Variants in DCC observed in about 807,000 individuals in gnomAD.
The protein encoded by DCC is netrin receptor DCC.
A neutral mutation model predicts 172.5 loss-of-function variants in DCC; 58 were observed. That is an observed-to-expected ratio of 0.34 (90% CI 0.27 to 0.42). The LOEUF is 0.42. Among genes scored for constraint, DCC ranks in the 10% least tolerant of loss-of-function variants. DCC has a pLI of 1.00. For synonymous variants in DCC, 709 were observed against 644.5 expected, an observed-to-expected ratio of 1.10 and a Z score of -1.52; for missense variants, 1,740 against 1,791.0, an observed-to-expected ratio of 0.97 and a Z score of 0.51.
At chr18:52,763,409 G>A (rs1366693590) in intron 2 of DCC, among the ~76,000 whole-genome samples, 1 of 152,150 alleles carries the variant, frequency 6.6e-6, no homozygotes, top group Non-Finnish European at 1.5e-5. Context: ...TGATGCAGAA[G>A]GCACAGGTTC....
At chr18:53,196,777 G>C (rs911840555) in intron 9 of DCC, among the ~76,000 whole-genome samples, 2 of 152,066 alleles carry the variant, frequency 1.3e-5, no homozygotes, top group Non-Finnish European at 2.9e-5. Context: ...TGTGTTAGCA[G>C]ATAGAAAATA....
In DCC at chr18:53,343,921, G is replaced by A. The variant is rs117646068; in HGVS notation, c.2359+4014G>A. Reference sequence around the variant, plus strand: ...ATCCATCCATTTCATTTTGTCTCTTGTTGGCACAGTTATTCATAATGTTTT... The same window carrying A: ...ATCCATCCATTTCATTTTGTCTCTTATTGGCACAGTTATTCATAATGTTTT... On this transcript the variant is annotated intron_variant, in intron 15 of 28. Coordinates refer to ENST00000442544, the MANE Select transcript of DCC (RefSeq NM_005215.4). 3.3e-5 allele frequency among the ~76,000 whole-genome samples: 5 copies of A among 151,892 alleles called. No homozygotes were observed. The East Asian group carries it at 9.7e-4, about 29-fold the overall frequency.
intron 9 of DCC, among the ~76,000 whole-genome samples, chr18:53,180,903 G>A (rs1032756866): frequency 4.2e-4 from 64 of 152,168 alleles, no homozygotes; most frequent in African/African-American, 1.5e-3. Context: ...AGGAGCCATC[G>A]CGCCCAGCCC....
At chr18:52,984,317 A>G (rs1007194487) in intron 5 of DCC, among the ~76,000 whole-genome samples, 3 of 152,220 alleles carry the variant, frequency 2.0e-5, no homozygotes, top group East Asian at 1.9e-4. Flanking sequence ...AAGTCCCTCC[A>G]AAGAGTGGGA....
chr18:52,925,325 T>A lies in DCC; in HGVS notation c.940T>A (p.Tyr314Asn). The change falls in exon 5 of 29, where the codon TAT (tyrosine) becomes AAT (asparagine). Residue 314 changes from tyrosine (Y) to asparagine (N), a missense_variant. Transcript: ENST00000442544. The stretch of plus-strand genomic sequence containing the variant: ...TGGAATGTATACCTGTGTTGTCACA[T>A]ATAAAAATGAGAATATTAGTGCCTC... ...DSGMYTCVVT[Y>N]KNENISASAE... 1 of 1,612,706 alleles carries A rather than the reference T, an allele frequency of 6.2e-7. No individual in the cohort carries two copies. The highest frequency in any genetic ancestry group is 1.3e-5 in the African/African-American group (1 of 74,974).
At chr18:53,040,597 C>T (rs893958227) in intron 5 of DCC, among the ~76,000 whole-genome samples, 7 of 151,882 alleles carry the variant, frequency 4.6e-5, no homozygotes, top group Non-Finnish European at 1.0e-4. Flanking sequence ...TTTTATGAAG[C>T]TTCTATAAGA....
At chr18:53,220,969 T>G (rs1422572467) in intron 12 of DCC, among the ~76,000 whole-genome samples, 2 of 152,084 alleles carry the variant, frequency 1.3e-5, no homozygotes, top group African/African-American at 4.8e-5. Flanking sequence ...AGACTGGATA[T>G]AAATGATTAT....
chr18:52,723,231 C>A (rs904179405), intron 1 of DCC, among the ~76,000 whole-genome samples: 10 of 152,210 alleles, frequency 6.6e-5, no homozygotes, highest in African/African-American at 2.4e-4. Context: ...TAGGCTGTGT[C>A]TTTATATTCA....
intron 15 of DCC, among the ~76,000 whole-genome samples, chr18:53,353,734 T>G (rs1168043341): frequency 6.6e-6 from 1 of 152,214 alleles, no homozygotes; most frequent in African/African-American, 2.4e-5. Context: ...TTTCATATAT[T>G]ACCTTGTTTC....
At chr18:53,105,791 ATC>A (rs1568307972) in intron 7 of DCC, among the ~76,000 whole-genome samples, 2 of 151,722 alleles carry the variant, frequency 1.3e-5, no homozygotes, top group Non-Finnish European at 2.9e-5. Context: ...TTATTTTCTT[ATC>A]AGTCTCTGAC....
chr18:53,511,399 G>T (rs1222139875), intron 27 of DCC, among the ~76,000 whole-genome samples: 1 of 152,246 alleles, frequency 6.6e-6, no homozygotes, highest in East Asian at 1.9e-4. Flanking sequence ...GTCAGGCCTT[G>T]CCTTGTTTGC....
chr18:52,953,100 G>C (rs10502957), intron 5 of DCC, among the ~76,000 whole-genome samples: 3,229 of 148,956 alleles, frequency 0.022, 61 homozygotes, highest in Admixed American at 0.04. Flanking sequence ...CTGTTGTGAA[G>C]TCAAATATGT....
rs766590584 is a variant in DCC, at chr18:53,530,556, C to T, written c.4255-8C>T. ...GTTACTAACTCTTGGCTCTCATTCT[C>T]TTTATAGGTGTATGAACAGGATGAT... On this transcript the variant is annotated splice_polypyrimidine_tract_variant and splice_region_variant and intron_variant, in intron 28 of 28. Coordinates refer to ENST00000442544, the MANE Select transcript of DCC (RefSeq NM_005215.4). 2 of 1,473,136 alleles carry T rather than the reference C, an allele frequency of 1.4e-6. No individual in the cohort carries two copies. The highest frequency in any genetic ancestry group is 1.7e-5 in the Admixed American group (1 of 59,842). The allele number at this position is 1,473,136 out of a possible 1,614,324, so 91.3% of individuals were successfully genotyped here.
At chr18:52,435,302 CGTGTGT>C (rs1025666686) in intron 1 of DCC, among the ~76,000 whole-genome samples, 1 of 150,484 alleles carries the variant, frequency 6.6e-6, no homozygotes, top group Non-Finnish European at 1.5e-5. Context: ...TGTGTGTGCA[CGTGTGT>C]GTGTGCTAAA....
At chr18:53,435,812 C>G (rs1042248163) in intron 22 of DCC, among the ~76,000 whole-genome samples, 1 of 152,118 alleles carries the variant, frequency 6.6e-6, no homozygotes, top group Non-Finnish European at 1.5e-5. Context: ...CATAGAAGGA[C>G]AAGGTTGGTG....
intron 1 of DCC, among the ~76,000 whole-genome samples, chr18:52,596,179 C>T (rs1145297): frequency 0.39 from 58,996 of 151,978 alleles, 11,593 homozygotes; most frequent in African/African-American, 0.43. Context: ...CACCTAATAG[C>T]GACCTCCTTT....
At chr18:52,875,791 T>C (rs2145393441) in intron 2 of DCC, among the ~76,000 whole-genome samples, 1 of 152,314 alleles carries the variant, frequency 6.6e-6, no homozygotes, top group Non-Finnish European at 1.5e-5. Context: ...CGGCACTATC[T>C]TTTGGAGCTT....
chr18:52,560,461 C>A (rs1417178157), intron 1 of DCC, among the ~76,000 whole-genome samples: 1 of 152,186 alleles, frequency 6.6e-6, no homozygotes, highest in Non-Finnish European at 1.5e-5. Flanking sequence ...AAACTGAATA[C>A]CCTCATTGCA....
At chr18:52,919,738 A>C (rs76694409) in intron 3 of DCC, among the ~76,000 whole-genome samples, 1 of 152,236 alleles carries the variant, frequency 6.6e-6, no homozygotes, top group East Asian at 1.9e-4. Flanking sequence ...CATGAATCTA[A>C]AAGTTACATG....
Sources: allele counts gnomAD v4.1 joint callset (sites outside exome capture counted in the v4.1 genomes callset), GRCh38; gene constraint gnomAD v4.1.1; transcripts MANE v1.5; gene names NCBI Gene and HGNC (gene_info 2026-07-23, HGNC 2026-07-21).